Variants in RBFOX1 observed in about 807,000 individuals in gnomAD.
The protein encoded by RBFOX1 is RNA binding fox-1 homolog 1.
RBFOX1 carries 8 observed loss-of-function variants against 57.7 expected under a neutral mutation model. The observed-to-expected ratio is 0.14, with a 90% CI of 0.08 to 0.25. The LOEUF (loss-of-function observed/expected upper bound fraction) is 0.25. RBFOX1 is among the 10% of genes least tolerant of loss of function. The pLI is 1.00. For synonymous variants in RBFOX1, 326 were observed against 222.4 expected, an observed-to-expected ratio of 1.47 and a Z score of -4.15; for missense variants, 611 against 548.5, an observed-to-expected ratio of 1.11 and a Z score of -1.14.
At chr16:5,302,331 A>C (rs1245728764) in intron 1 of RBFOX1, among the ~76,000 whole-genome samples, 1 of 152,188 alleles carries the variant, frequency 6.6e-6, no homozygotes, top group Non-Finnish European at 1.5e-5. Context: ...GTTTAATGAG[A>C]CTAGCTTTAT....
intron 5 of RBFOX1, among the ~76,000 whole-genome samples, chr16:7,529,917 G>C (rs1017092552): frequency 6.7e-6 from 1 of 149,820 alleles, no homozygotes; most frequent in Admixed American, 6.8e-5. Flanking sequence ...GCGGAGGCAG[G>C]AGAATCACTT....
At chr16:7,067,845 T>A (rs939578849) in intron 4 of RBFOX1, among the ~76,000 whole-genome samples, 1 of 151,974 alleles carries the variant, frequency 6.6e-6, no homozygotes, top group African/African-American at 2.4e-5. Flanking sequence ...TTCATCCATG[T>A]CCCTACAAAG....
chr16:5,999,147 C>T (rs1212203007), intron 4 of RBFOX1, among the ~76,000 whole-genome samples: 2 of 152,174 alleles, frequency 1.3e-5, no homozygotes, highest in Admixed American at 6.5e-5. Flanking sequence ...GAACAGTCCT[C>T]TCTGTCTTCA....
intron 14 of RBFOX1, among the ~76,000 whole-genome samples, chr16:7,696,165 A>G (rs533696416): frequency 6.6e-4 from 100 of 152,152 alleles, no homozygotes; most frequent in Non-Finnish European, 1.3e-3. Context: ...ATTTACAAGG[A>G]TATCTATTTT....
At chr16:7,003,779 A>G (rs1223134867) in intron 3 of RBFOX1, among the ~76,000 whole-genome samples, 1 of 152,176 alleles carries the variant, frequency 6.6e-6, no homozygotes, top group Non-Finnish European at 1.5e-5. Context: ...AATTTTATTA[A>G]TAGAACTTTT....
intron 1 of RBFOX1, among the ~76,000 whole-genome samples, chr16:5,357,538 A>C (rs1301335619): frequency 6.6e-6 from 1 of 152,244 alleles, no homozygotes; most frequent in Non-Finnish European, 1.5e-5. Context: ...GTTAATGTGC[A>C]TAGGAATCAG....
intron 3 of RBFOX1, among the ~76,000 whole-genome samples, chr16:7,028,394 T>A (rs1026917693): frequency 2.0e-5 from 3 of 151,994 alleles, no homozygotes; most frequent in African/African-American, 7.2e-5. Context: ...TTGATCATCT[T>A]GGGCTCTGCA....
chr16:6,956,983 C>T (rs941034265), intron 3 of RBFOX1, among the ~76,000 whole-genome samples: 1 of 151,542 alleles, frequency 6.6e-6, no homozygotes, highest in African/African-American at 2.4e-5. Context: ...GGCAAGTCTG[C>T]AGAGTAAAGT....
intron 5 of RBFOX1, among the ~76,000 whole-genome samples, chr16:7,528,987 A>T (rs373983406): frequency 2.4e-4 from 37 of 152,232 alleles, no homozygotes; most frequent in Non-Finnish European, 4.4e-5. Context: ...GGCCAGGCAC[A>T]GTGGCTCACA....
intron 6 of RBFOX1, among the ~76,000 whole-genome samples, chr16:7,582,651 G>T (rs1477581305): frequency 1.3e-5 from 2 of 152,136 alleles, no homozygotes; most frequent in Non-Finnish European, 2.9e-5. Context: ...CATAGTTACT[G>T]CAAGAAACTA....
At chr16:6,229,250 C>G (rs956111676) in intron 1 of RBFOX1, among the ~76,000 whole-genome samples, 3 of 152,122 alleles carry the variant, frequency 2.0e-5, no homozygotes, top group African/African-American at 7.2e-5. Context: ...GAGCAAAACT[C>G]AAAAGCAAAC....
intron 3 of RBFOX1, among the ~76,000 whole-genome samples, chr16:6,763,793 C>A (rs563958359): frequency 1.3e-5 from 2 of 152,198 alleles, no homozygotes; most frequent in Admixed American, 6.5e-5. Context: ...TGTGTTCACA[C>A]TGAAACGTGT....
At position 5,324,022 on chromosome 16, in the gene RBFOX1, A is replaced by G. The variant is rs568914911; in HGVS notation, c.219+83917A>G. On this transcript the variant is annotated intron_variant, in intron 1 of 2. Transcript: ENST00000585867. ...AGTGCTTTCCCCTACACTGTCTCAG[A>G]TGGGCATCACATGAGTCTCTTTTAG... Among the ~76,000 whole-genome samples, 11 of 152,366 alleles carry G rather than the reference A, an allele frequency of 7.2e-5. No individual in the cohort carries two copies. The South Asian group carries it at 2.3e-3, about 32-fold the overall frequency.
intron 3 of RBFOX1, among the ~76,000 whole-genome samples, chr16:5,729,738 G>C (rs1311079753): frequency 6.6e-6 from 1 of 152,066 alleles, no homozygotes; most frequent in Non-Finnish European, 1.5e-5. Context: ...TATCGCAACT[G>C]GGGTTCAGTC....
At chr16:6,563,326 T>C (rs1222681465) in intron 2 of RBFOX1, among the ~76,000 whole-genome samples, 2 of 152,214 alleles carry the variant, frequency 1.3e-5, no homozygotes, top group African/African-American at 2.4e-5. Flanking sequence ...GGCCAGGCAC[T>C]ATTCTAAGCA....
intron 2 of RBFOX1, among the ~76,000 whole-genome samples, chr16:6,326,061 C>T (rs750353881): frequency 2.0e-5 from 3 of 152,140 alleles, no homozygotes; most frequent in Admixed American, 6.5e-5. Flanking sequence ...GGCAGAAAAT[C>T]GGTTAACTCT....
chr16:7,046,390 G>T (rs988571682), intron 3 of RBFOX1, among the ~76,000 whole-genome samples: 1 of 151,920 alleles, frequency 6.6e-6, no homozygotes, highest in Non-Finnish European at 1.5e-5. Context: ...TCAGTATTTT[G>T]CCTCTTTAGT....
intron 3 of RBFOX1, among the ~76,000 whole-genome samples, chr16:6,957,601 C>A (rs1024377304): frequency 3.3e-5 from 5 of 152,084 alleles, no homozygotes; most frequent in African/African-American, 1.2e-4. Flanking sequence ...ATCTTTACTG[C>A]AACCTGTTTT....
At chr16:7,200,486 A>T (rs2088070077) in intron 4 of RBFOX1, among the ~76,000 whole-genome samples, 1 of 152,220 alleles carries the variant, frequency 6.6e-6, no homozygotes, top group Non-Finnish European at 1.5e-5. Flanking sequence ...TGCAGTAGGC[A>T]CTAAGGATGA....
Sources: gnomAD v4.1 joint callset for allele counts (sites outside exome capture counted in the v4.1 genomes callset) on GRCh38, gnomAD v4.1.1 for gene constraint, MANE v1.5 for transcripts, NCBI Gene and HGNC (gene_info 2026-07-23, HGNC 2026-07-21) for gene names.